HEXB: variants seen among roughly 807,000 people sequenced by gnomAD.
The protein encoded by HEXB is beta-hexosaminidase subunit beta.
HEXB carries 51 observed loss-of-function variants against 71.2 expected under a neutral mutation model. That is an observed-to-expected ratio of 0.72 (90% CI 0.57 to 0.90). The LOEUF (loss-of-function observed/expected upper bound fraction) is 0.90. Ranked by LOEUF, HEXB falls within the 40% of genes least tolerant of loss-of-function variation. HEXB has a pLI of 0.00. For synonymous variants in HEXB, 266 were observed against 249.3 expected, an observed-to-expected ratio of 1.07 and a Z score of -0.63; for missense variants, 617 against 677.0, an observed-to-expected ratio of 0.91 and a Z score of 0.98.
chr5:74,676,383 A>C (rs1275757268), intron 1 of HEXB, among the ~76,000 whole-genome samples: 1 of 152,114 alleles, frequency 6.6e-6, no homozygotes, highest in East Asian at 1.9e-4. Context: ...TCAAGCAATT[A>C]ATCTTCCCAC....
chr5:74,718,687 T>C, intron 10 of HEXB, 110 bp from the exon 11 acceptor site: 1 of 1,135,564 alleles, frequency 8.8e-7, no homozygotes, highest in Non-Finnish European at 1.3e-6. Context: ...AATGCAGATT[T>C]TTTTTAAGGA....
At chr5:74,665,750 T>C (rs1190432315) in intron 1 of HEXB, among the ~76,000 whole-genome samples, 1 of 152,238 alleles carries the variant, frequency 6.6e-6, no homozygotes. Context: ...GGAAATTTTA[T>C]ATACCGAATT....
intron 6 of HEXB, among the ~76,000 whole-genome samples, chr5:74,712,439 A>T (rs1426577694): frequency 1.3e-5 from 2 of 152,160 alleles, no homozygotes; most frequent in Non-Finnish European, 2.9e-5. Flanking sequence ...ATAATAATAA[A>T]AAAAAGAAAT....
chr5:74,676,879 T>G (rs1323496558), intron 1 of HEXB, among the ~76,000 whole-genome samples: 1 of 152,102 alleles, frequency 6.6e-6, no homozygotes, highest in African/African-American at 2.4e-5. Context: ...TCTCTGGTTT[T>G]TTGTTTGTTT....
rs573791647 is a variant in HEXB at position 74,675,718 on chromosome 5, T to G, written c.-376-13610T>G. On this transcript the variant is annotated intron_variant, in intron 1 of 13. Coordinates refer to the HEXB transcript ENST00000511181. The stretch of plus-strand genomic sequence containing the variant: ...CAATGGGGAACAAGCCATTGAAATG[T>G]TTTAAGCAAGGAAGTGATATGACTG... Among the ~76,000 whole-genome samples, 147 of 152,304 alleles carry G rather than the reference T, an allele frequency of 9.7e-4. No homozygotes were observed. In the Middle Eastern group the frequency reaches 0.014, roughly 14 times the overall value.
At chr5:74,713,964 C>G (rs1355164195) in intron 7 of HEXB, among the ~76,000 whole-genome samples, 3 of 152,222 alleles carry the variant, frequency 2.0e-5, no homozygotes, top group Non-Finnish European at 4.4e-5. Flanking sequence ...CCTCAGCCTA[C>G]TGAGTAGCTG....
At chr5:74,705,504 T>C (rs374852248) in intron 6 of HEXB, 184 bp downstream of exon 6, 102 of 589,918 alleles carry the variant, frequency 1.7e-4, no homozygotes, top group Middle Eastern at 1.4e-3. Context: ...GTTATTGTTA[T>C]AACGGTTACT....
Position 74,641,320 on chromosome 5 carries a change from TAA to T in HEXB, c.-377+763_-377+764del, listed in dbSNP as rs1167163065. 2 of 152,322 alleles carry T rather than the reference TAA, an allele frequency of 1.3e-5. No homozygotes were observed. Among genetic ancestry groups the T allele is most frequent in the African/African-American group, 4.8e-5 (2 of 41,440 alleles). The allele number at this position is 152,322 out of a possible 1,614,324, so 9.4% of individuals were successfully genotyped here. ...CTCGGGTTGAGCAAGCCAGGACGTT[TAA>T]GTTTCTTGCTGGCAGAGAGCCAAAG... is the stretch of plus-strand genomic sequence containing the variant. On this transcript the variant is annotated intron_variant, in intron 1 of 13. Coordinates refer to the HEXB transcript ENST00000511181. The surrounding 1 kb of genome is among the most constrained non-coding windows in gnomAD (Gnocchi z 4.1).
intron 5 of HEXB, among the ~76,000 whole-genome samples, chr5:74,699,784 C>T (rs1293712849): frequency 2.6e-5 from 4 of 151,854 alleles, no homozygotes; most frequent in Non-Finnish European, 5.9e-5. Context: ...TACATTTTAA[C>T]TTTTGGTATA....
In HEXB at chr5:74,693,468, G is replaced by A; in HGVS notation, c.446-171G>A. 4.4e-6 allele frequency: 3 copies of A among 676,964 alleles called. No individual in the cohort carries two copies. In the South Asian group the frequency reaches 4.8e-5, roughly 11 times the overall value. The allele number at this position is 676,964 out of a possible 1,614,324, so 41.9% of individuals were successfully genotyped here. ...TTCTGTTGGGGCATGTGGAGTCGAA[G>A]GAACCTGCAGGACATCCAAATGGAG... On this transcript the variant is annotated intron_variant, in intron 2 of 13. Coordinates refer to ENST00000261416, the MANE Select transcript of HEXB (RefSeq NM_000521.4).
At position 74,706,472 on chromosome 5, in the gene HEXB, G is replaced by A. The variant is rs147811422; in HGVS notation, c.771+1152G>A. 4.6e-3 allele frequency among the ~76,000 whole-genome samples: 704 copies of A among 152,256 alleles called. 10 individuals carry two copies. The East Asian group carries it at 0.081, about 18-fold the overall frequency. ...GGACAGTGGGTGCAGCGCATCATGC[G>A]CGAGCCGAAGCAGGGTGAGGCGTTG... On this transcript the variant is annotated intron_variant, in intron 6 of 13. Transcript: ENST00000261416.
intron 8 of HEXB, 43 bp from the exon 9 acceptor site, chr5:74,716,544 C>T (rs1385508964): frequency 8.7e-7 from 1 of 1,146,478 alleles, no homozygotes; most frequent in African/African-American, 1.5e-5. Flanking sequence ...ATAAACTGAG[C>T]ATATCAAACT....
chr5:74,689,390 A>G lies in HEXB; in HGVS notation c.362A>G (p.Lys121Arg), dbSNP rs11556045. The change falls in exon 2 of 14, where the codon AAA becomes AGA. Residue 121 changes from lysine (K) to arginine (R), a missense_variant. Transcript: ENST00000261416. ...CATGAACCTGCTGAATTCCAGGCTA[A>G]AACCCAGGTTCAGCAACTTCTTGTC... ...WHHEPAEFQA[K>R]TQVQQLLVSI... 298,470 of 1,611,362 alleles carry G rather than the reference A, an allele frequency of 0.19. 28,987 individuals carry two copies. The highest frequency in any genetic ancestry group is 0.27 in the African/African-American group (20,414 of 74,916).
intron 1 of HEXB, among the ~76,000 whole-genome samples, chr5:74,660,145 C>T (rs567060395): frequency 1.3e-5 from 2 of 152,294 alleles, no homozygotes; most frequent in South Asian, 4.2e-4. Flanking sequence ...CAGGGACTCT[C>T]AACTTAGCTG....
At chr5:74,674,558 T>G (rs776296814) in intron 1 of HEXB, among the ~76,000 whole-genome samples, 1 of 143,702 alleles carries the variant, frequency 7.0e-6, no homozygotes, top group Non-Finnish European at 1.5e-5. Context: ...GAGCTGAGAT[T>G]GCGCCACTGC....
intron 5 of HEXB, among the ~76,000 whole-genome samples, chr5:74,702,677 G>A (rs1286131461): frequency 6.6e-6 from 1 of 152,214 alleles, no homozygotes. Context: ...CTTGTGGGAA[G>A]AAATCTTGAG....
intron 1 of HEXB, among the ~76,000 whole-genome samples, chr5:74,643,575 AT>A (rs1747947130): frequency 6.6e-6 from 1 of 152,158 alleles, no homozygotes; most frequent in African/African-American, 2.4e-5. Flanking sequence ...TTTTAATGCT[AT>A]TAAGAAGCTG....
At chr5:74,699,124 G>A (rs56329974) in intron 5 of HEXB, among the ~76,000 whole-genome samples, 1 of 152,054 alleles carries the variant, frequency 6.6e-6, no homozygotes, top group African/African-American at 2.4e-5. Context: ...AGGGAGGTTG[G>A]AGTGAGCCAA....
At chr5:74,660,152 G>C (rs559029273) in intron 1 of HEXB, among the ~76,000 whole-genome samples, 1 of 152,198 alleles carries the variant, frequency 6.6e-6, no homozygotes, top group Admixed American at 6.5e-5. Context: ...TCTCAACTTA[G>C]CTGGGCTCAC....
Sources: gnomAD v4.1 joint callset for allele counts (sites outside exome capture counted in the v4.1 genomes callset) on GRCh38, gnomAD v4.1.1 for gene constraint, Gnocchi (gnomAD v3.1) non-coding constraint, MANE v1.5 for transcripts, NCBI Gene and HGNC (gene_info 2026-07-23, HGNC 2026-07-21) for gene names.